DAB1: variants seen among roughly 807,000 people sequenced by gnomAD.
DAB1 encodes the protein disabled homolog 1.
Under a neutral mutation model 64.6 loss-of-function variants are expected in DAB1, and 15 were observed. That is an observed-to-expected ratio of 0.23 (90% CI 0.16 to 0.36). DAB1 has a LOEUF of 0.36. Among genes scored for constraint, DAB1 ranks in the 10% least tolerant of loss-of-function variants. The pLI is 1.00. For synonymous variants in DAB1, 235 were observed against 251.9 expected (o/e 0.93, Z 0.64); for missense variants, 596 against 706.7 (o/e 0.84, Z 1.78).
At chr1:57,715,421 C>A (rs183495823) in intron 6 of DAB1, among the ~76,000 whole-genome samples, 4 of 152,252 alleles carry the variant, frequency 2.6e-5, no homozygotes, top group Admixed American at 2.6e-4. Flanking sequence ...ACTTGAAGTT[C>A]TAGCCAGAGC....
chr1:57,332,630 G>A (rs1044906948), intron 1 of DAB1, among the ~76,000 whole-genome samples: 2 of 152,024 alleles, frequency 1.3e-5, no homozygotes, highest in Non-Finnish European at 2.9e-5. Flanking sequence ...AATGTATCAG[G>A]TAAATTAGCC....
At chr1:57,664,450 A>G (rs1165759209) in intron 6 of DAB1, among the ~76,000 whole-genome samples, 1 of 152,154 alleles carries the variant, frequency 6.6e-6, no homozygotes, top group Admixed American at 6.5e-5. Context: ...AGCTAGGTAA[A>G]TTGCTCCTTT....
At chr1:57,450,287 A>AGG (rs1686302041) in intron 7 of DAB1, among the ~76,000 whole-genome samples, 1 of 152,214 alleles carries the variant, frequency 6.6e-6, no homozygotes, top group African/African-American at 2.4e-5. Context: ...GGCAAAGAAG[A>AGG]GGGTACACTG....
At chr1:57,504,289 T>G (rs1644320544) in intron 7 of DAB1, among the ~76,000 whole-genome samples, 1 of 152,176 alleles carries the variant, frequency 6.6e-6, no homozygotes, top group African/African-American at 2.4e-5. Context: ...ATTCTAGGTC[T>G]GGGACAGGCA....
exon 3 of DAB1, chr1:58,506,198 G>A (rs1415249647): frequency 1.2e-6 from 1 of 869,468 alleles, no homozygotes; most frequent in East Asian, 2.4e-5. Flanking sequence ...TGGCTCTTAT[G>A]TCTGCACAAG....
chr1:57,130,626 G>T (rs953898357), intron 4 of DAB1, among the ~76,000 whole-genome samples: 7 of 149,052 alleles, frequency 4.7e-5, no homozygotes, highest in African/African-American at 1.7e-4. Context: ...GAGCCTGGGG[G>T]ATATTATGTT....
At chr1:58,154,988 T>TA (rs2100739608) in intron 4 of DAB1, among the ~76,000 whole-genome samples, 1 of 152,190 alleles carries the variant, frequency 6.6e-6, no homozygotes, top group Admixed American at 6.5e-5. Context: ...CCTAGAGACT[T>TA]AGAGGAGAAA....
chr1:57,015,187 G>A lies in DAB1; in HGVS notation c.1140C>T (p.Phe380=), dbSNP rs1646386196. The change falls in exon 12 of 15, where the codon TTC becomes TTT. Residue 380 remains phenylalanine, a synonymous_variant. Transcript: ENST00000371236. ...TGGCAAGGGGGGTGAGGGGACCTTG[G>A]AACATGGCAGCTGGCAAAGGCATAA... ...QTVMPLPAAM[F]QGPLTPLATV... 6.2e-6 allele frequency: 10 copies of A among 1,613,988 alleles called. No homozygotes were observed. The highest frequency in any genetic ancestry group is 8.5e-6 in the Non-Finnish European group (10 of 1,179,998).
intron 4 of DAB1, among the ~76,000 whole-genome samples, chr1:57,090,048 G>A (rs1653498291): frequency 6.6e-6 from 1 of 152,210 alleles, no homozygotes; most frequent in Admixed American, 6.5e-5. Context: ...GCTCAAGTGA[G>A]CAGAGGCAAA....
intron 2 of DAB1, among the ~76,000 whole-genome samples, chr1:57,284,908 G>A (rs1002171094): frequency 7.9e-5 from 12 of 152,150 alleles, no homozygotes; most frequent in Non-Finnish European, 1.2e-4. Context: ...AGTTACAGAA[G>A]GTTCACACTC....
intron 6 of DAB1, among the ~76,000 whole-genome samples, chr1:57,779,100 A>G (rs1053214229): frequency 6.6e-6 from 1 of 152,184 alleles, no homozygotes; most frequent in Non-Finnish European, 1.5e-5. Context: ...ATAATAAAAA[A>G]TTCTATGAAG....
At chr1:57,275,386 G>A (rs528665286) in intron 2 of DAB1, among the ~76,000 whole-genome samples, 1 of 152,280 alleles carries the variant, frequency 6.6e-6, no homozygotes, top group South Asian at 2.1e-4. Flanking sequence ...TCTAAGAAGA[G>A]AATATAAATC....
At chr1:58,218,798 C>T (rs1186065228) in intron 4 of DAB1, among the ~76,000 whole-genome samples, 3 of 152,210 alleles carry the variant, frequency 2.0e-5, no homozygotes, top group African/African-American at 7.2e-5. Context: ...ATTTTACTCA[C>T]AGAGAGAAAA....
intron 2 of DAB1, among the ~76,000 whole-genome samples, chr1:57,200,541 C>T (rs1022650982): frequency 6.6e-6 from 1 of 152,128 alleles, no homozygotes; most frequent in African/African-American, 2.4e-5. Context: ...CATTCTACAA[C>T]TTGGGGTGAG....
chr1:57,605,189 A>G (rs1247272756), intron 7 of DAB1, among the ~76,000 whole-genome samples: 2 of 152,186 alleles, frequency 1.3e-5, no homozygotes, highest in Non-Finnish European at 2.9e-5. Context: ...TTCCATGCCT[A>G]GTGGAGCATC....
intron 7 of DAB1, among the ~76,000 whole-genome samples, chr1:57,519,106 A>C (rs961346192): frequency 6.6e-6 from 1 of 152,186 alleles, no homozygotes; most frequent in African/African-American, 2.4e-5. Flanking sequence ...TCCCTGTGAT[A>C]ATGGCCCCCC....
chr1:58,186,593 C>T (rs1039522145), intron 4 of DAB1, among the ~76,000 whole-genome samples: 1 of 152,120 alleles, frequency 6.6e-6, no homozygotes, highest in African/African-American at 2.4e-5. Flanking sequence ...ATTCTCAAAA[C>T]AACTCTGTGG....
chr1:58,133,492 A>G (rs1260610439), intron 5 of DAB1, among the ~76,000 whole-genome samples: 2 of 152,124 alleles, frequency 1.3e-5, no homozygotes, highest in Non-Finnish European at 2.9e-5. Context: ...TCTGAATCCC[A>G]TCTTCATCTC....
Position 57,023,538 on chromosome 1 carries a change from T to C in DAB1, c.888A>G (p.Val296=). ...TGGTGGAAGAGGGCTTACCTGAGGG[T>C]ACAGCAGCAGTGCCGAAAGGTACAG... The part of the protein sequence containing the change: ...FSSVPFGTAA[V]PSGYVAMGAV... Residue 296 remains valine (V), a synonymous_variant, in exon 11 of 15, where the codon GTA becomes GTG. Transcript: ENST00000371236. 2 of 1,593,766 alleles carry C rather than the reference T, an allele frequency of 1.3e-6. No homozygotes were observed. The highest frequency in any genetic ancestry group is 2.2e-5 in the East Asian group (1 of 44,720).
Sources: allele counts gnomAD v4.1 joint callset (sites outside exome capture counted in the v4.1 genomes callset), GRCh38; gene constraint gnomAD v4.1.1; transcripts MANE v1.5; gene names NCBI Gene and HGNC (gene_info 2026-07-23, HGNC 2026-07-21).